Variants in FARP2 observed in about 807,000 individuals in gnomAD.
FARP2 encodes the protein FERM, ARHGEF and pleckstrin domain-containing protein 2.
In FARP2, 111 loss-of-function variants were observed where a neutral mutation model predicts 130.5. The observed-to-expected ratio is 0.85, with a 90% CI of 0.73 to 1.00. The LOEUF (loss-of-function observed/expected upper bound fraction) is 1.00. FARP2 is among the 50% of genes least tolerant of loss of function. The pLI is 0.00. For synonymous variants in FARP2, 504 were observed against 516.9 expected (o/e 0.98, Z 0.34); for missense variants, 1,385 against 1,346.3 (o/e 1.03, Z -0.45).
Position 241,364,465 on chromosome 2 carries a change from G to A in FARP2, c.-25+8077G>A, listed in dbSNP as rs560065289. Among the ~76,000 whole-genome samples the A allele has an allele frequency of 6.6e-5, 10 of 152,282 alleles. No individual in the cohort carries two copies. The East Asian group carries it at 7.7e-4, about 12-fold the overall frequency. On this transcript the variant is annotated intron_variant, in intron 1 of 26. Coordinates refer to ENST00000264042, the MANE Select transcript of FARP2 (RefSeq NM_014808.4). Reference sequence around the variant, plus strand: ...TACATTACACTCAAACTTCTAACCCGTAGACACTGTGAGATAATAAAAGGC... The same window carrying A: ...TACATTACACTCAAACTTCTAACCCATAGACACTGTGAGATAATAAAAGGC...
intron 19 of FARP2, among the ~76,000 whole-genome samples, chr2:241,477,679 T>A (rs897907430): frequency 3.9e-5 from 6 of 152,248 alleles, no homozygotes; most frequent in African/African-American, 1.4e-4. Context: ...GACTGAACCA[T>A]TTTTCATTCC....
At chr2:241,486,457 G>A (rs868741636) in intron 21 of FARP2, among the ~76,000 whole-genome samples, 1 of 50,766 alleles carries the variant, frequency 2.0e-5, no homozygotes, top group Admixed American at 4.1e-4. Context: ...GTGAGACCTC[G>A]TCTCAAAAAA....
Position 241,403,896 on chromosome 2 carries a change from C to G in FARP2, c.252C>G (p.Tyr84Ter), listed in dbSNP as rs1481633371. The G allele has an allele frequency of 6.2e-7, 1 of 1,613,394 alleles. No individual in the cohort carries two copies. Among genetic ancestry groups the G allele is most frequent in the Non-Finnish European group, 8.5e-7 (1 of 1,179,338 alleles). The change falls in exon 3 of 27, where the codon TAC (tyrosine) becomes TAG (stop). Residue 84 changes from tyrosine (Y) to a stop codon, truncating the protein, a stop_gained. Transcript: ENST00000264042. LOFTEE classifies it high-confidence loss of function. ...GTTTAAACCTGGTAGAATGTGACTA[C>G]TTCGGGATGGAGTTTCAAAATACTC... Reference protein sequence around the residue: ...WKRLNLVECDYFGMEFQNTQS... With the variant: ...WKRLNLVECD
chr2:241,464,365 C>T (rs760886611), intron 17 of FARP2, among the ~76,000 whole-genome samples: 2 of 150,940 alleles, frequency 1.3e-5, no homozygotes, highest in Non-Finnish European at 3.0e-5. Flanking sequence ...GGGGTCTCCT[C>T]AGAACAGGGA....
intron 2 of FARP2, among the ~76,000 whole-genome samples, chr2:241,394,726 T>C (rs1383409922): frequency 1.3e-5 from 2 of 152,224 alleles, no homozygotes; most frequent in Non-Finnish European, 2.9e-5. Context: ...TTTTAAAATA[T>C]GTTTTACATG....
In FARP2 at chr2:241,453,494, A is replaced by C. The variant is rs567676549; in HGVS notation, c.1412-3253A>C. 8.1e-3 allele frequency among the ~76,000 whole-genome samples: 1,208 copies of C among 148,256 alleles called. 8 individuals are homozygous for C. Among genetic ancestry groups the C allele is most frequent in the African/African-American group, 0.022 (885 of 40,058 alleles). The stretch of plus-strand genomic sequence containing the variant: ...AAAATTAGCCAGGCATGGTGGTGGG[A>C]GCCTGTAGTCCCAGCTACTCGGGAG... On this transcript the variant is annotated intron_variant, in intron 13 of 26. Coordinates refer to ENST00000264042, the MANE Select transcript of FARP2 (RefSeq NM_014808.4).
At chr2:241,470,809 G>A (rs570206427) in intron 18 of FARP2, among the ~76,000 whole-genome samples, 5 of 150,402 alleles carry the variant, frequency 3.3e-5, no homozygotes, top group South Asian at 2.1e-4. Context: ...ATACTGTGCT[G>A]TGGGGACTCT....
chr2:241,488,956 T>C (rs2064828297), intron 21 of FARP2: 1 of 152,226 alleles, frequency 6.6e-6, no homozygotes, highest in South Asian at 2.1e-4. Context: ...TTAAAAAAGA[T>C]TCTTTGCTAT....
chr2:241,364,493 T>A (rs2061259308), intron 1 of FARP2, among the ~76,000 whole-genome samples: 1 of 152,246 alleles, frequency 6.6e-6, no homozygotes, highest in African/African-American at 2.4e-5. Context: ...TAAAAGGCTG[T>A]TATTTTAAGC....
At chr2:241,437,667 TTTA>T (rs2063272210) in intron 12 of FARP2, among the ~76,000 whole-genome samples, 7 of 135,450 alleles carry the variant, frequency 5.2e-5, no homozygotes, top group Non-Finnish European at 9.6e-5. Context: ...TATTTATTTA[TTTA>T]TTTTTTTTTT....
chr2:241,476,924 A>G (rs1284967155), intron 19 of FARP2, among the ~76,000 whole-genome samples: 2 of 152,024 alleles, frequency 1.3e-5, no homozygotes, highest in African/African-American at 4.8e-5. Context: ...CTCTGTTCTG[A>G]GGTAACCCTG....
intron 2 of FARP2, 82 bp from the exon 3 acceptor site, chr2:241,403,746 A>G: frequency 1.4e-6 from 1 of 733,408 alleles, no homozygotes; most frequent in South Asian, 1.9e-5. Flanking sequence ...TGTGTGGGAA[A>G]GTAGTTTTAT....
At chr2:241,410,799 G>A (rs1043919460) in intron 5 of FARP2, 3 of 477,604 alleles carry the variant, frequency 6.3e-6, no homozygotes, top group African/African-American at 2.0e-5. Context: ...GCTCTCCCAT[G>A]TGTGTGACTC....
rs1170755357 is a variant in FARP2, at chr2:241,482,997, C to CCCT, written c.2263-464_2263-462dup. ...GTGCTAATTTGAATACTCGGGAGAA[C>CCCT]CCTCCTTTCCTCCTCCCATTCTCGA... On this transcript the variant is annotated intron_variant, in intron 19 of 26. Coordinates refer to ENST00000264042, the MANE Select transcript of FARP2 (RefSeq NM_014808.4). The surrounding 1 kb of genome is among the most constrained non-coding windows in gnomAD (Gnocchi z 4.6). 7.4e-6 allele frequency among the ~76,000 whole-genome samples: 1 copy of CCCT among 135,878 alleles called. No homozygotes were observed. Among genetic ancestry groups the CCCT allele is most frequent in the Non-Finnish European group, 1.7e-5 (1 of 59,516 alleles). 89.1% of individuals were successfully genotyped at this position (135,878 alleles called of 152,430 possible). A position where few individuals can be genotyped will look rare whatever the true frequency, so the allele number is the denominator to read the frequency against.
At chr2:241,431,156 T>G (rs2063080913) in intron 8 of FARP2, among the ~76,000 whole-genome samples, 2 of 152,244 alleles carry the variant, frequency 1.3e-5, no homozygotes, top group South Asian at 4.1e-4. Context: ...GCACTGTGTC[T>G]GATGATAATA....
chr2:241,440,107 CCTA>C lies in FARP2; in HGVS notation c.1159-1193_1159-1191del, dbSNP rs375892967. On this transcript the variant is annotated intron_variant, in intron 12 of 26. Coordinates refer to ENST00000264042, the MANE Select transcript of FARP2 (RefSeq NM_014808.4). ...AATAGGTTAATCTTATGGACTGTGGCCTACTATTTTGTTTCTGAAAGCCTAGTA... is the reference window on the plus strand; with the variant it reads ...AATAGGTTAATCTTATGGACTGTGGCCTATTTTGTTTCTGAAAGCCTAGTA... 7.8e-3 allele frequency among the ~76,000 whole-genome samples: 1,182 copies of C among 152,258 alleles called. 7 individuals carry two copies. The highest frequency in any genetic ancestry group is 0.012 in the Non-Finnish European group (816 of 68,026).
chr2:241,434,659 C>T (rs1317735885), intron 10 of FARP2, among the ~76,000 whole-genome samples: 1 of 152,148 alleles, frequency 6.6e-6, no homozygotes, highest in Non-Finnish European at 1.5e-5. Context: ...CGATATCAGC[C>T]TGGCCAACAT....
At chr2:241,492,854 C>G (rs547025119) in intron 24 of FARP2, 75 bp from the exon 25 acceptor site, 1 of 835,294 alleles carries the variant, frequency 1.2e-6, no homozygotes, top group African/African-American at 1.7e-5. Flanking sequence ...GAGGCTTAGT[C>G]TTGGGGAGCA....
intron 8 of FARP2, among the ~76,000 whole-genome samples, chr2:241,430,998 T>TA (rs1559762035): frequency 4.7e-5 from 7 of 148,266 alleles, no homozygotes; most frequent in Admixed American, 2.0e-4. Flanking sequence ...AGACTCTGTC[T>TA]CAAAAAAAAA....
Sources: gnomAD v4.1 joint callset for allele counts (sites outside exome capture counted in the v4.1 genomes callset) on GRCh38, gnomAD v4.1.1 for gene constraint, Gnocchi (gnomAD v3.1) non-coding constraint, MANE v1.5 for transcripts, NCBI Gene and HGNC (gene_info 2026-07-23, HGNC 2026-07-21) for gene names.